The following WDFY3 variants were observed in gnomAD, a reference collection of about 807,000 sequenced individuals.
The protein encoded by WDFY3 is WD repeat and FYVE domain-containing protein 3.
In WDFY3, 66 loss-of-function variants were observed where a neutral mutation model predicts 409.6. That is an observed-to-expected ratio of 0.16 (90% CI 0.13 to 0.20). WDFY3 has a LOEUF of 0.20. WDFY3 is among the 10% of genes least tolerant of loss of function. The pLI is 1.00. For missense variants in WDFY3, 3,031 were observed against 4,298.1 expected (o/e 0.71, Z 8.24); for synonymous variants, 1,521 against 1,537.1 (o/e 0.99, Z 0.25).
At chr4:84,957,875 T>C (rs1227479181) in intron 1 of WDFY3, among the ~76,000 whole-genome samples, 3 of 152,204 alleles carry the variant, frequency 2.0e-5, no homozygotes, top group African/African-American at 7.2e-5. Context: ...TTATTAAAGA[T>C]TTGGGGGCCA....
chr4:84,778,496 T>A lies in WDFY3; in HGVS notation c.4518+7A>T. The A allele has an allele frequency of 6.3e-7, 1 of 1,593,432 alleles. No individual in the cohort carries two copies. Among genetic ancestry groups the A allele is most frequent in the Non-Finnish European group, 8.5e-7 (1 of 1,172,846 alleles). On this transcript the variant is annotated splice_region_variant and intron_variant, in intron 27 of 67. Transcript: ENST00000295888. ...TTATATATTATCAATTATGCTTATATACATACTTCAAAATCACAGAGGAGG... is the reference window on the plus strand; with the variant it reads ...TTATATATTATCAATTATGCTTATAAACATACTTCAAAATCACAGAGGAGG...
At chr4:84,693,080 T>C (rs757859791) in intron 58 of WDFY3, 48 bp from the exon 59 acceptor site, 2 of 1,565,298 alleles carry the variant, frequency 1.3e-6, no homozygotes, top group Non-Finnish European at 1.7e-6. Context: ...ATAACACTTA[T>C]AAGCCCTTTT....
At chr4:84,743,946 C>A in intron 36 of WDFY3, 147 bp from the exon 37 acceptor site, 1 of 402,420 alleles carries the variant, frequency 2.5e-6, no homozygotes, top group Admixed American at 4.4e-5. Context: ...GGTATACATG[C>A]TATGCTTATG....
chr4:84,744,684 T>C (rs1403010483), intron 36 of WDFY3, among the ~76,000 whole-genome samples: 1 of 150,356 alleles, frequency 6.7e-6, no homozygotes, highest in Non-Finnish European at 1.5e-5. Flanking sequence ...AAACCCCGTC[T>C]CTACTAAAAA....
intron 2 of WDFY3, among the ~76,000 whole-genome samples, chr4:84,922,597 T>TAC (rs1358568784): frequency 6.6e-6 from 1 of 152,070 alleles, no homozygotes; most frequent in African/African-American, 2.4e-5. Context: ...TGGCCAACAG[T>TAC]ACAGGAAGAC....
chr4:84,782,470 T>A (rs953053802), intron 25 of WDFY3, among the ~76,000 whole-genome samples: 20 of 152,178 alleles, frequency 1.3e-4, no homozygotes, highest in Admixed American at 1.2e-3. Context: ...GCTGCACCTA[T>A]AAACCTGTCA....
rs566728123 is a variant in WDFY3, at chr4:84,790,617, T to C, written c.3488-710A>G. On this transcript the variant is annotated intron_variant, in intron 21 of 67. Coordinates refer to ENST00000295888, the MANE Select transcript of WDFY3 (RefSeq NM_014991.6). ...AAACAAAAATAAACAAGTGGGACTA[T>C]CTCAAACTGAAAAGCTTTTGAATAG... Among the ~76,000 whole-genome samples, 4 of 152,164 alleles carry C rather than the reference T, an allele frequency of 2.6e-5. No homozygotes were observed. In the East Asian group the frequency reaches 7.7e-4, roughly 29 times the overall value.
At chr4:84,692,752 AT>A in intron 59 of WDFY3, 132 bp downstream of exon 59, 1 of 828,466 alleles carries the variant, frequency 1.2e-6, no homozygotes. Flanking sequence ...GTATTTAGTA[AT>A]CTAACACAAA....
intron 35 of WDFY3, 84 bp from the exon 36 acceptor site, chr4:84,751,800 G>A: frequency 6.9e-7 from 1 of 1,448,730 alleles, no homozygotes; most frequent in Non-Finnish European, 9.6e-7. Context: ...TAAAACTGGA[G>A]CAGCAGCATT....
Position 84,679,145 on chromosome 4 carries a change from G to T in WDFY3, c.9921C>A (p.Thr3307=). 1 of 1,613,968 alleles carries T rather than the reference G, an allele frequency of 6.2e-7. No homozygotes were observed. Among genetic ancestry groups the T allele is most frequent in the East Asian group, 2.2e-5 (1 of 44,872 alleles). The part of the protein sequence containing the change: ...PKDTPSQPSS[T]SHRPRAASCR... Reference sequence around the variant, plus strand: ...AGGAGGCTGCCCGGGGCCTGTGGCTGGTGCTGCTGGGTTGGCTTGGAGTGT... The same window carrying T: ...AGGAGGCTGCCCGGGGCCTGTGGCTTGTGCTGCTGGGTTGGCTTGGAGTGT... Residue 3307 remains threonine (T), a synonymous_variant, in exon 65 of 68, where the codon ACC becomes ACA. Coordinates refer to ENST00000295888, the MANE Select transcript of WDFY3 (RefSeq NM_014991.6).
intron 32 of WDFY3, among the ~76,000 whole-genome samples, chr4:84,757,671 A>T (rs1741693679): frequency 6.6e-6 from 1 of 151,888 alleles, no homozygotes; most frequent in Non-Finnish European, 1.5e-5. Flanking sequence ...TCCACCTCCT[A>T]GGGTCAAAGC....
chr4:84,843,585 G>A (rs1464372565), intron 5 of WDFY3, among the ~76,000 whole-genome samples: 1 of 152,040 alleles, frequency 6.6e-6, no homozygotes, highest in Non-Finnish European at 1.5e-5. Context: ...TTTTTGTAGA[G>A]ACAGAGTATC....
chr4:84,853,866 T>A lies in WDFY3; in HGVS notation c.181-3841A>T, dbSNP rs1289899188. On this transcript the variant is annotated intron_variant, in intron 4 of 67. Coordinates refer to ENST00000295888, the MANE Select transcript of WDFY3 (RefSeq NM_014991.6). ...AGCATTGCTTCTTAAATAAGGTTTA[T>A]TCACTCACAAATATTTATCGACTTC... is the stretch of plus-strand genomic sequence containing the variant. Among the ~76,000 whole-genome samples the A allele has an allele frequency of 3.9e-5, 6 of 152,324 alleles. No homozygotes were observed. In the South Asian group the frequency reaches 1.2e-3, roughly 32 times the overall value.
At chr4:84,724,182 A>T (rs1267727834) in intron 46 of WDFY3, among the ~76,000 whole-genome samples, 1 of 152,268 alleles carries the variant, frequency 6.6e-6, no homozygotes, top group African/African-American at 2.4e-5. Context: ...GAGAATTCTG[A>T]GAAATACAAT....
intron 44 of WDFY3, among the ~76,000 whole-genome samples, chr4:84,731,882 C>A (rs1736667778): frequency 6.6e-6 from 1 of 152,060 alleles, no homozygotes; most frequent in South Asian, 2.1e-4. Flanking sequence ...TTTGGGAGAG[C>A]ATATTTATAT....
chr4:84,863,214 T>C (rs922299420), intron 3 of WDFY3, among the ~76,000 whole-genome samples: 2 of 152,228 alleles, frequency 1.3e-5, no homozygotes, highest in East Asian at 1.9e-4. Context: ...AAGATACTGA[T>C]TTCATTTCCT....
intron 2 of WDFY3, among the ~76,000 whole-genome samples, chr4:84,930,677 T>A (rs375142602): frequency 7.9e-5 from 12 of 152,188 alleles, no homozygotes; most frequent in African/African-American, 2.9e-4. Flanking sequence ...AAATATCTTA[T>A]TGCACTGTAC....
chr4:84,808,478 G>T, intron 14 of WDFY3, 61 bp from the exon 15 acceptor site: 1 of 1,457,368 alleles, frequency 6.9e-7, no homozygotes, highest in South Asian at 1.2e-5. Context: ...ACACCAGGTT[G>T]GCAGTTGGTT....
intron 1 of WDFY3, 76 bp from the exon 2 acceptor site, chr4:84,932,439 C>T (rs1770880313): frequency 1.3e-5 from 2 of 152,158 alleles, no homozygotes; most frequent in Admixed American, 6.6e-5. Flanking sequence ...TCTACTGATT[C>T]TCTTTACCTC....
Sources: gnomAD v4.1 joint callset for allele counts (sites outside exome capture counted in the v4.1 genomes callset) on GRCh38, gnomAD v4.1.1 for gene constraint, MANE v1.5 for transcripts, NCBI Gene and HGNC (gene_info 2026-07-23, HGNC 2026-07-21) for gene names.